CXorf38: variants seen among roughly 807,000 people sequenced by gnomAD.
CXorf38 encodes the protein uncharacterized protein CXorf38.
CXorf38 carries 13 observed loss-of-function variants against 27.5 expected under a neutral mutation model. The observed-to-expected ratio is 0.47, with a 90% CI of 0.31 to 0.75. The LOEUF is 0.75. Among genes scored for constraint, CXorf38 ranks in the 30% least tolerant of loss-of-function variants. The pLI is 0.05. For missense variants in CXorf38, 240 were observed against 253.2 expected, an observed-to-expected ratio of 0.95 and a Z score of 0.35; for synonymous variants, 100 against 99.8, an observed-to-expected ratio of 1.00 and a Z score of -0.01.
chrX:40,645,809 G>C (rs764591293), intron 2 of CXorf38, among the ~76,000 whole-genome samples: 146 of 110,851 alleles, frequency 1.3e-3, no homozygotes, highest in Non-Finnish European at 2.2e-3. Context: ...GTAGAGACGG[G>C]GTTTTGCCAT....
chrX:40,637,270 G>A, intron 3 of CXorf38, 114 bp from the exon 4 acceptor site: 1 of 541,164 alleles, frequency 1.8e-6, no homozygotes, highest in South Asian at 4.0e-5. Context: ...AAATCAACAA[G>A]AGCAGTCTTC....
At position 40,629,590 on chromosome X, in the gene CXorf38, TG is replaced by T. The variant is rs896006875; in HGVS notation, c.*573del. ...CACCTTTTAAATAGCAGAAAATCCCTGGGTGGTAGCAAGTTTTGTTGTTGTT... is the reference window on the plus strand; with the variant it reads ...CACCTTTTAAATAGCAGAAAATCCCTGGTGGTAGCAAGTTTTGTTGTTGTT... On this transcript the variant is annotated 3_prime_UTR_variant, in exon 7 of 7. Coordinates refer to ENST00000327877, the MANE Select transcript of CXorf38 (RefSeq NM_144970.3). The T allele has an allele frequency of 5.4e-5, 6 of 111,752 alleles. No individual in the cohort carries two copies. Among genetic ancestry groups the T allele is most frequent in the Admixed American group, 9.5e-5 (1 of 10,535 alleles). The allele number at this position is 111,752 out of a possible 1,213,427, so 9.2% of individuals were successfully genotyped here.
intron 2 of CXorf38, chrX:40,640,346 A>G: frequency 8.4e-6 from 2 of 239,475 alleles, no homozygotes; most frequent in South Asian, 8.5e-5. Flanking sequence ...AACGAAAACA[A>G]AAAACAACAA....
At position 40,647,368 on chromosome X, in the gene CXorf38, G is replaced by T; in HGVS notation, c.153C>A (p.Ala51=). 8.6e-7 allele frequency: 1 copy of T among 1,164,595 alleles called. No homozygotes were observed. Among genetic ancestry groups the T allele is most frequent in the East Asian group, 3.3e-5 (1 of 29,979 alleles). The change falls in exon 1 of 7, where the codon GCC becomes GCA. Residue 51 remains alanine (A), a synonymous_variant. Coordinates refer to ENST00000327877, the MANE Select transcript of CXorf38 (RefSeq NM_144970.3). The part of the protein sequence containing the change: ...LSFHRGLLAA[A]PGLGPRAVCR... ...AGACGGCGCGGGGCCCCAGGCCGGGGGCTGCGGCGAGTAGGCCGCGGTGGA... is the reference window on the plus strand; with the variant it reads ...AGACGGCGCGGGGCCCCAGGCCGGGTGCTGCGGCGAGTAGGCCGCGGTGGA...
rs1191303542 is a variant in CXorf38, at chrX:40,630,596, T to C, written c.*1+18A>G. On this transcript the variant is annotated intron_variant, in intron 6 of 6. Coordinates refer to ENST00000327877, the MANE Select transcript of CXorf38 (RefSeq NM_144970.3). ...GTGATTCTGTCCTTCTTTAACACCA[T>C]CATCTGCCTGAACTCACCTCAGGCC... 11 of 1,196,048 alleles carry C rather than the reference T, an allele frequency of 9.2e-6. No homozygotes were observed. The East Asian group carries it at 3.3e-4, about 36-fold the overall frequency.
chrX:40,640,939 C>CAA (rs148737476), intron 2 of CXorf38, among the ~76,000 whole-genome samples: 2,144 of 51,125 alleles, frequency 0.042, 131 homozygotes, highest in East Asian at 0.097. Flanking sequence ...GACTCTGTCT[C>CAA]AAAAAAAAAA....
rs760395623 is a variant in CXorf38 at position 40,633,581 on chromosome X, C to T, written c.802-2808G>A. 1.1e-4 allele frequency among the ~76,000 whole-genome samples: 12 copies of T among 111,336 alleles called. No homozygotes were observed. In the East Asian group the frequency reaches 3.4e-3, roughly 31 times the overall value. ...GTTTCATTCACTGATGCATACCAAG[C>T]TTCTAGAACTGTGCCTGGCACACAG... On this transcript the variant is annotated intron_variant, in intron 5 of 6. Coordinates refer to ENST00000327877, the MANE Select transcript of CXorf38 (RefSeq NM_144970.3).
chrX:40,644,976 AG>A (rs1451409698), intron 2 of CXorf38, among the ~76,000 whole-genome samples: 1 of 111,407 alleles, frequency 9.0e-6, no homozygotes, highest in Non-Finnish European at 1.9e-5. Context: ...TCAGGACTGG[AG>A]TTGGGCCAGG....
chrX:40,645,263 G>A (rs1928521186), intron 2 of CXorf38, among the ~76,000 whole-genome samples: 1 of 111,323 alleles, frequency 9.0e-6, no homozygotes, highest in Non-Finnish European at 1.9e-5. Flanking sequence ...CATGCAAGCC[G>A]GAGGCTGAGG....
At position 40,637,168 on chromosome X, in the gene CXorf38, CA is replaced by C; in HGVS notation, c.472-13del. The C allele has an allele frequency of 8.9e-7, 1 of 1,121,108 alleles. No homozygotes were observed. Among genetic ancestry groups the C allele is most frequent in the Non-Finnish European group, 1.2e-6 (1 of 844,093 alleles). The allele number at this position is 1,121,108 out of a possible 1,213,427, so 92.4% of individuals were successfully genotyped here. A position where few individuals can be genotyped will look rare whatever the true frequency, so the allele number is the denominator to read the frequency against. On this transcript the variant is annotated splice_polypyrimidine_tract_variant and intron_variant, in intron 3 of 6. Transcript: ENST00000327877. ...CGACATTTAATTACCTGCAGAAAGA[CA>C]AAAAGATAAAAGGCTTCAAAATCAA...
chrX:40,637,201 G>A, intron 3 of CXorf38, 45 bp from the exon 4 acceptor site: 1 of 963,734 alleles, frequency 1.0e-6, no homozygotes. Context: ...TCAAACAATG[G>A]GGTAAACTGA....
In CXorf38 at chrX:40,647,039, G is replaced by A. The variant is rs1256722215; in HGVS notation, c.319C>T (p.Arg107Cys). 8.3e-7 allele frequency: 1 copy of A among 1,211,649 alleles called. No individual in the cohort carries two copies. Among genetic ancestry groups the A allele is most frequent in the Non-Finnish European group, 1.1e-6 (1 of 895,288 alleles). The part of the protein sequence containing the change: ...DVHWGNCRPG[R>C]WPVDAWEVAK... ...ACCTCCCAGGCGTCCACGGGCCAGC[G>A]GCCCGGCCGGCAGTTTCCCCAGTGC... The change falls in exon 2 of 7, where the codon CGC becomes TGC. Residue 107 changes from arginine to cysteine, a missense_variant. By Grantham distance (180) the Arg-to-Cys change is radical. Transcript: ENST00000327877.
chrX:40,631,635 C>T (rs777806775), intron 5 of CXorf38, among the ~76,000 whole-genome samples: 2 of 111,857 alleles, frequency 1.8e-5, no homozygotes, highest in Non-Finnish European at 3.8e-5. Flanking sequence ...GAACCCTCAA[C>T]TGCAAGTTAA....
In CXorf38 at chrX:40,647,501, G is replaced by A. The variant is rs1419221605; in HGVS notation, c.20C>T (p.Ala7Val). The change falls in exon 1 of 7, where the codon GCG becomes GTG. Residue 7 changes from alanine (A) to valine (V), a missense_variant. Coordinates refer to ENST00000327877, the MANE Select transcript of CXorf38 (RefSeq NM_144970.3). ...GTACTCGGCGCAGTTGAGGCGCGCC[G>A]CTAGCTCCGACAGCACCATGTCTCC... MVLSELAARLNCAEYKN... is the reference protein window; with the variant it reads MVLSELVARLNCAEYKN... The A allele has an allele frequency of 4.2e-6, 5 of 1,186,554 alleles. No homozygotes were observed. The highest frequency in any genetic ancestry group is 2.3e-5 in the Admixed American group (1 of 43,287).
rs1276781013 is a variant in CXorf38 at position 40,636,996 on chromosome X, A to G, written c.621+11T>C. 1 of 1,166,993 alleles carries G rather than the reference A, an allele frequency of 8.6e-7. No individual in the cohort carries two copies. On this transcript the variant is annotated intron_variant, in intron 4 of 6. Coordinates refer to ENST00000327877, the MANE Select transcript of CXorf38 (RefSeq NM_144970.3). Reference sequence around the variant, plus strand: ...ATTCTGTATGCCAGAACTATTAAACATGATTTTTACCTGTTCTATTCTGGA... The same window carrying G: ...ATTCTGTATGCCAGAACTATTAAACGTGATTTTTACCTGTTCTATTCTGGA...
rs376850626 is a variant in CXorf38, at chrX:40,628,847, C to T, written c.*1317G>A. 9.0e-6 allele frequency: 1 copy of T among 110,503 alleles called. No homozygotes were observed. Among genetic ancestry groups the T allele is most frequent in the African/African-American group, 3.3e-5 (1 of 30,315 alleles). 9.1% of individuals were successfully genotyped at this position (110,503 alleles called of 1,213,427 possible). ...AGTGTACCATAAACCAGCTGCCAAG[C>T]GAGAAGCTCCCCTGCTCCTGCCTGA... On this transcript the variant is annotated 3_prime_UTR_variant, in exon 7 of 7. Transcript: ENST00000327877.
chrX:40,647,025 G>T lies in CXorf38; in HGVS notation c.333C>A (p.Asp111Glu), dbSNP rs1324233329. The change falls in exon 2 of 7, where the codon GAC becomes GAA. Residue 111 changes from aspartate to glutamate, a missense_variant. Physicochemically the swap from Asp to Glu is conservative, Grantham distance 45. Transcript: ENST00000327877. ...GNCRPGRWPV[D>E]AWEVAKAFMP... ...CGCTTACCTTGGCCACCTCCCAGGC[G>T]TCCACGGGCCAGCGGCCCGGCCGGC... The T allele has an allele frequency of 8.3e-7, 1 of 1,211,462 alleles. No homozygotes were observed. Among genetic ancestry groups the T allele is most frequent in the Non-Finnish European group, 1.1e-6 (1 of 895,218 alleles).
intron 5 of CXorf38, among the ~76,000 whole-genome samples, chrX:40,635,478 G>A: frequency 8.8e-6 from 1 of 113,132 alleles, no homozygotes; most frequent in Non-Finnish European, 1.9e-5. Context: ...CCTTGGACAA[G>A]GAGGAATGGA....
chrX:40,631,605 G>A lies in CXorf38; in HGVS notation c.802-832C>T, dbSNP rs368030286. Among the ~76,000 whole-genome samples the A allele has an allele frequency of 9.0e-5, 10 of 111,695 alleles. No homozygotes were observed. The East Asian group carries it at 2.8e-3, about 31-fold the overall frequency. On this transcript the variant is annotated intron_variant, in intron 5 of 6. Transcript: ENST00000327877. ...ACAGGTGTGAGCCACTGTGCCCAGC[G>A]ATGAATGCTTTTAAATGGGGAACCC...
Sources: allele counts gnomAD v4.1 joint callset (sites outside exome capture counted in the v4.1 genomes callset), GRCh38; gene constraint gnomAD v4.1.1; transcripts MANE v1.5; gene names NCBI Gene and HGNC (gene_info 2026-07-23, HGNC 2026-07-21).